The following TAMM41 variants were observed in gnomAD, a reference collection of about 807,000 sequenced individuals.
TAMM41 encodes phosphatidate cytidylyltransferase, mitochondrial.
TAMM41 carries 36 observed loss-of-function variants against 44.1 expected under a neutral mutation model. The ratio of observed to expected loss-of-function variants is 0.82; its 90% CI spans 0.63 to 1.08. The LOEUF (loss-of-function observed/expected upper bound fraction) is 1.08. Ranked by LOEUF, TAMM41 falls within the 50% of genes least tolerant of loss-of-function variation. TAMM41 has a pLI of 0.00. For missense variants in TAMM41, 417 were observed against 404.3 expected (o/e 1.03, Z -0.27); for synonymous variants, 164 against 153.1 (o/e 1.07, Z -0.53).
At chr3:11,763,965 T>G in the TAMM41 span, among the ~76,000 whole-genome samples, 1 of 152,206 alleles carries the variant, frequency 6.6e-6, no homozygotes, top group African/African-American at 2.4e-5. Flanking sequence ...GGTCACTGAC[T>G]TTTATTTATT....
the TAMM41 span, among the ~76,000 whole-genome samples, chr3:11,732,782 CA>C: frequency 1.3e-5 from 2 of 152,020 alleles, no homozygotes; most frequent in East Asian, 3.9e-4. Flanking sequence ...ATAGCAAGCA[CA>C]AAGACTCTGG....
rs538129568 is a variant in TAMM41, at chr3:11,845,916, C to T, written c.135+586G>A. Among the ~76,000 whole-genome samples the T allele has an allele frequency of 5.2e-5, 8 of 152,382 alleles. No individual in the cohort carries two copies. The South Asian group carries it at 1.4e-3, about 28-fold the overall frequency. ...TGAGCGAGGGTAAATACACTGGTCA[C>T]GCACTAACTTTTGATGTTAGTTACT... is the stretch of plus-strand genomic sequence containing the variant. On this transcript the variant is annotated intron_variant, in intron 1 of 7. Coordinates refer to ENST00000455809, the MANE Select transcript of TAMM41 (RefSeq NM_001284401.2).
chr3:11,804,075 A>G (rs1447869476), intron 7 of TAMM41, among the ~76,000 whole-genome samples: 9 of 152,170 alleles, frequency 5.9e-5, no homozygotes, highest in Non-Finnish European at 1.3e-4. Context: ...TTAAAAATTA[A>G]AAAGAAAAAA....
At chr3:11,829,125 T>C (rs1195648600) in intron 4 of TAMM41, among the ~76,000 whole-genome samples, 1 of 152,152 alleles carries the variant, frequency 6.6e-6, no homozygotes, top group African/African-American at 2.4e-5. Context: ...TCAAACAGTT[T>C]AGAAAATAAA....
chr3:11,801,812 C>G (rs763579911), intron 7 of TAMM41, among the ~76,000 whole-genome samples: 3 of 151,752 alleles, frequency 2.0e-5, no homozygotes, highest in Non-Finnish European at 2.9e-5. Context: ...ATAACGAAAA[C>G]TATAACAAGA....
At chr3:11,777,015 G>A in the TAMM41 span, among the ~76,000 whole-genome samples, 1 of 152,188 alleles carries the variant, frequency 6.6e-6, no homozygotes, top group Non-Finnish European at 1.5e-5. Context: ...AGATTTTGGT[G>A]AAAGGGTACA....
intron 5 of TAMM41, among the ~76,000 whole-genome samples, chr3:11,815,333 G>A (rs2078238164): frequency 6.6e-6 from 1 of 152,164 alleles, no homozygotes; most frequent in East Asian, 1.9e-4. Flanking sequence ...ACAACCAGTT[G>A]AGAAAGGAAC....
chr3:11,763,352 GGCT>G, the TAMM41 span, among the ~76,000 whole-genome samples: 1 of 152,174 alleles, frequency 6.6e-6, no homozygotes, highest in Non-Finnish European at 1.5e-5. Context: ...ATTTTGCCCA[GGCT>G]GGTCTTGAAC....
At chr3:11,767,114 G>A in the TAMM41 span, among the ~76,000 whole-genome samples, 3 of 152,128 alleles carry the variant, frequency 2.0e-5, no homozygotes, top group Non-Finnish European at 1.5e-5. Context: ...TGTCACCCAG[G>A]CTGGAGTGCA....
At chr3:11,818,850 A>G (rs2078392419) in intron 4 of TAMM41, among the ~76,000 whole-genome samples, 1 of 149,598 alleles carries the variant, frequency 6.7e-6, no homozygotes, top group South Asian at 2.2e-4. Flanking sequence ...GTGAGCCGAG[A>G]TCGCGCCACT....
the TAMM41 span, among the ~76,000 whole-genome samples, chr3:11,754,642 T>C: frequency 6.6e-6 from 1 of 151,510 alleles, no homozygotes; most frequent in Non-Finnish European, 1.5e-5. Context: ...AATGCTGGGA[T>C]TACAAACATG....
intron 4 of TAMM41, among the ~76,000 whole-genome samples, chr3:11,829,029 C>A (rs962957395): frequency 2.6e-5 from 4 of 152,104 alleles, no homozygotes; most frequent in African/African-American, 9.7e-5. Context: ...TAGATGGGGG[C>A]TCCTCTGGTT....
At chr3:11,757,425 A>G in the TAMM41 span, among the ~76,000 whole-genome samples, 2 of 152,138 alleles carry the variant, frequency 1.3e-5, no homozygotes, top group South Asian at 2.1e-4. Context: ...GCGTCCAAGA[A>G]TCATGCAGCG....
intron 7 of TAMM41, among the ~76,000 whole-genome samples, chr3:11,801,172 CTT>C (rs1335205278): frequency 2.0e-5 from 3 of 150,932 alleles, no homozygotes; most frequent in Non-Finnish European, 4.4e-5. Context: ...CAAAACAAGT[CTT>C]AACAAATTTT....
the TAMM41 span, among the ~76,000 whole-genome samples, chr3:11,746,730 C>T: frequency 6.6e-6 from 1 of 151,890 alleles, no homozygotes; most frequent in Non-Finnish European, 1.5e-5. Context: ...CTCACTGCAG[C>T]CTCAAATGAT....
At chr3:11,791,366 C>T (rs995007032) in intron 7 of TAMM41, among the ~76,000 whole-genome samples, 10 of 152,074 alleles carry the variant, frequency 6.6e-5, no homozygotes, top group Non-Finnish European at 1.2e-4. Flanking sequence ...AAAGGCTCTC[C>T]GGGGGCTTAG....
At chr3:11,739,791 C>G in the TAMM41 span, among the ~76,000 whole-genome samples, 1 of 151,884 alleles carries the variant, frequency 6.6e-6, no homozygotes, top group Non-Finnish European at 1.5e-5. Flanking sequence ...CCTTTATCCC[C>G]AGACTACAGG....
the TAMM41 span, among the ~76,000 whole-genome samples, chr3:11,732,513 T>C: frequency 2.6e-5 from 4 of 152,148 alleles, no homozygotes; most frequent in Non-Finnish European, 5.9e-5. Flanking sequence ...AAACATAATT[T>C]AAGTCATGTA....
chr3:11,829,410 C>A (rs1041817445), intron 4 of TAMM41, among the ~76,000 whole-genome samples: 1 of 152,158 alleles, frequency 6.6e-6, no homozygotes, highest in African/African-American at 2.4e-5. Context: ...ATTGGCGAAT[C>A]TGGGAAAAGG....
Sources: allele counts gnomAD v4.1 joint callset (sites outside exome capture counted in the v4.1 genomes callset), GRCh38; gene constraint gnomAD v4.1.1; transcripts MANE v1.5; gene names NCBI Gene and HGNC (gene_info 2026-07-23, HGNC 2026-07-21).